The following PLEKHG1 variants were observed in gnomAD, a reference collection of about 807,000 sequenced individuals.
The protein encoded by PLEKHG1 is pleckstrin homology and RhoGEF domain containing G1.
In PLEKHG1, 44 loss-of-function variants were observed where a neutral mutation model predicts 100.8. The ratio of observed to expected loss-of-function variants is 0.44; its 90% CI spans 0.34 to 0.56. The LOEUF is 0.56. PLEKHG1 is among the 20% of genes least tolerant of loss of function. The pLI is 0.01. For synonymous variants in PLEKHG1, 640 were observed against 662.5 expected (o/e 0.97, Z 0.52); for missense variants, 1,545 against 1,720.9 (o/e 0.90, Z 1.81).
At chr6:150,634,643 A>G (rs1244118600) in intron 1 of PLEKHG1, among the ~76,000 whole-genome samples, 1 of 152,266 alleles carries the variant, frequency 6.6e-6, no homozygotes, top group Non-Finnish European at 1.5e-5. Flanking sequence ...ATTAGAGCCA[A>G]TGGTTTAAAT....
At chr6:150,735,586 C>T (rs1275218625) in intron 2 of PLEKHG1, among the ~76,000 whole-genome samples, 2 of 152,176 alleles carry the variant, frequency 1.3e-5, no homozygotes, top group African/African-American at 2.4e-5. Flanking sequence ...GATGGTCAAC[C>T]GAAACAATAT....
intron 1 of PLEKHG1, among the ~76,000 whole-genome samples, chr6:150,602,248 T>C (rs1776387402): frequency 6.6e-6 from 1 of 152,142 alleles, no homozygotes; most frequent in South Asian, 2.1e-4. Context: ...TCCTCTCCAC[T>C]CCTTTCATTG....
chr6:150,646,126 C>T (rs1265337574), intron 2 of PLEKHG1, among the ~76,000 whole-genome samples: 1 of 152,284 alleles, frequency 6.6e-6, no homozygotes, highest in Non-Finnish European at 1.5e-5. Flanking sequence ...AAGTTACAAT[C>T]GTGTATGTAC....
At chr6:150,643,785 T>C (rs1365596301) in intron 2 of PLEKHG1, among the ~76,000 whole-genome samples, 1 of 152,152 alleles carries the variant, frequency 6.6e-6, no homozygotes, top group African/African-American at 2.4e-5. Flanking sequence ...TGAGTAAAAC[T>C]CATGTATCTA....
intron 2 of PLEKHG1, among the ~76,000 whole-genome samples, chr6:150,641,486 C>A (rs946300040): frequency 6.6e-6 from 1 of 152,126 alleles, no homozygotes; most frequent in Admixed American, 6.5e-5. Flanking sequence ...TTCTCAAGTC[C>A]GGATTGAAAA....
At chr6:150,667,289 CG>C (rs1490078082) in intron 3 of PLEKHG1, among the ~76,000 whole-genome samples, 1 of 152,044 alleles carries the variant, frequency 6.6e-6, no homozygotes, top group African/African-American at 2.4e-5. Flanking sequence ...TATATTGCTG[CG>C]GACATAATTT....
intron 3 of PLEKHG1, among the ~76,000 whole-genome samples, chr6:150,779,344 G>GTTTGTTTGTTTT (rs1257363893): frequency 2.9e-5 from 3 of 104,538 alleles, no homozygotes; most frequent in African/African-American, 1.3e-4. Flanking sequence ...TTGTCAAGAA[G>GTTTGTTTGTTTT]TTTTTTTTTT....
At chr6:150,604,780 C>CT (rs1457576966) in intron 1 of PLEKHG1, among the ~76,000 whole-genome samples, 4 of 152,200 alleles carry the variant, frequency 2.6e-5, no homozygotes, top group African/African-American at 9.7e-5. Flanking sequence ...CAACATTCTA[C>CT]TTTGAGTTAG....
chr6:150,637,896 C>CT (rs1778080014), intron 1 of PLEKHG1, among the ~76,000 whole-genome samples: 1 of 152,058 alleles, frequency 6.6e-6, no homozygotes, highest in East Asian at 1.9e-4. Flanking sequence ...GAAAGCGATT[C>CT]TTTATTATTT....
chr6:150,811,295 G>A (rs1368554888), intron 10 of PLEKHG1, among the ~76,000 whole-genome samples: 1 of 151,168 alleles, frequency 6.6e-6, no homozygotes, highest in Non-Finnish European at 1.5e-5. Context: ...TTAAAGACAG[G>A]ATCTTACTCT....
At chr6:150,814,629 T>C (rs2030751545) in intron 10 of PLEKHG1, among the ~76,000 whole-genome samples, 1 of 150,464 alleles carries the variant, frequency 6.6e-6, no homozygotes, top group Non-Finnish European at 1.5e-5. Context: ...AACTAGTACA[T>C]GACCAAGCCT....
intron 2 of PLEKHG1, among the ~76,000 whole-genome samples, chr6:150,749,106 C>T (rs185332529): frequency 5.4e-4 from 83 of 152,324 alleles, no homozygotes; most frequent in African/African-American, 1.9e-3. Context: ...CCAGATCCTG[C>T]AGCTAAATAT....
Position 150,768,636 on chromosome 6 carries a change from A to C in PLEKHG1, c.412-2A>C. 1.9e-6 allele frequency: 3 copies of C among 1,580,264 alleles called. No homozygotes were observed. Among genetic ancestry groups the C allele is most frequent in the Non-Finnish European group, 2.6e-6 (3 of 1,149,378 alleles). ...AAGGCATCCTTCTCATTGATCTCACAGGATTACCTTGACTGCATCAGGGAC... is the reference window on the plus strand; with the variant it reads ...AAGGCATCCTTCTCATTGATCTCACCGGATTACCTTGACTGCATCAGGGAC... On this transcript the variant is annotated splice_acceptor_variant, in intron 2 of 15. Coordinates refer to ENST00000358517, the Ensembl canonical transcript of PLEKHG1. LOFTEE classifies it high-confidence loss of function.
At chr6:150,620,876 G>C (rs1777270879) in intron 1 of PLEKHG1, among the ~76,000 whole-genome samples, 1 of 152,174 alleles carries the variant, frequency 6.6e-6, no homozygotes, top group South Asian at 2.1e-4. Context: ...ATGGGAGAGA[G>C]AATGAATTGA....
intron 4 of PLEKHG1, among the ~76,000 whole-genome samples, chr6:150,787,472 C>T (rs570932052): frequency 2.0e-5 from 3 of 152,296 alleles, no homozygotes; most frequent in South Asian, 4.1e-4. Flanking sequence ...AACATTCAAC[C>T]GCTTTTGTTT....
chr6:150,705,212 C>G (rs1780955164), intron 3 of PLEKHG1, among the ~76,000 whole-genome samples: 1 of 152,148 alleles, frequency 6.6e-6, no homozygotes, highest in South Asian at 2.1e-4. Context: ...ATTAAAATGT[C>G]TAAATAGATT....
chr6:150,676,031 A>G lies in PLEKHG1; in HGVS notation c.-99+25245A>G, dbSNP rs527948672. Among the ~76,000 whole-genome samples, 21 of 152,370 alleles carry G rather than the reference A, an allele frequency of 1.4e-4. No homozygotes were observed. The South Asian group carries it at 4.1e-3, about 30-fold the overall frequency. On this transcript the variant is annotated intron_variant, in intron 3 of 3. Transcript: ENST00000367326. ...TATAATATATCACAGTGAACTCCCA[A>G]TGAACTAAAGAATTACAGATTTGCA... is the stretch of plus-strand genomic sequence containing the variant.
At chr6:150,694,732 G>T (rs1780481045) in intron 3 of PLEKHG1, among the ~76,000 whole-genome samples, 1 of 151,468 alleles carries the variant, frequency 6.6e-6, no homozygotes, top group African/African-American at 2.4e-5. Flanking sequence ...AAATAAAATA[G>T]TGCCTGGCAC....
intron 4 of PLEKHG1, among the ~76,000 whole-genome samples, chr6:150,789,688 A>C (rs775788044): frequency 6.6e-6 from 1 of 152,220 alleles, no homozygotes; most frequent in Non-Finnish European, 1.5e-5. Context: ...AGGAAAGTCA[A>C]CTTGATATTG....
Sources: allele counts gnomAD v4.1 joint callset (sites outside exome capture counted in the v4.1 genomes callset), GRCh38; gene constraint gnomAD v4.1.1; transcripts MANE v1.5; gene names NCBI Gene and HGNC (gene_info 2026-07-23, HGNC 2026-07-21).